The following ADAM29 variants were observed in gnomAD, a reference collection of about 807,000 sequenced individuals.
ADAM29 encodes ADAM metallopeptidase domain 29.
For synonymous variants in ADAM29, 367 were observed against 342.3 expected (o/e 1.07, Z -0.80); for missense variants, 969 against 1,001.8 (o/e 0.97, Z 0.44).
At chr4:174,942,521 G>A (rs1262248505) in intron 4 of ADAM29, among the ~76,000 whole-genome samples, 1 of 152,162 alleles carries the variant, frequency 6.6e-6, no homozygotes, top group Non-Finnish European at 1.5e-5. Flanking sequence ...CCCCTCTGAA[G>A]CAATGGTCAG....
chr4:174,948,575 C>A (rs1037478180), intron 4 of ADAM29, among the ~76,000 whole-genome samples: 2 of 152,162 alleles, frequency 1.3e-5, no homozygotes, highest in African/African-American at 4.8e-5. Flanking sequence ...AGCCACAACA[C>A]TCCAATTTCC....
intron 4 of ADAM29, among the ~76,000 whole-genome samples, chr4:174,941,826 A>C (rs1744556943): frequency 1.3e-5 from 2 of 152,252 alleles, no homozygotes; most frequent in Non-Finnish European, 1.5e-5. Context: ...GTAACTCAAA[A>C]GTCCAAGTTC....
At chr4:174,963,677 T>C (rs1054312748) in intron 4 of ADAM29, among the ~76,000 whole-genome samples, 1 of 137,432 alleles carries the variant, frequency 7.3e-6, no homozygotes, top group Non-Finnish European at 1.6e-5. Flanking sequence ...GGACAAATAG[T>C]AAAGGTTTTT....
At chr4:174,938,899 T>G (rs1416605906) in intron 4 of ADAM29, among the ~76,000 whole-genome samples, 1 of 152,100 alleles carries the variant, frequency 6.6e-6, no homozygotes, top group East Asian at 1.9e-4. Flanking sequence ...CTTTGAGTTT[T>G]TGGTGGCTCA....
intron 4 of ADAM29, among the ~76,000 whole-genome samples, chr4:174,972,930 C>A (rs1316627923): frequency 6.6e-6 from 1 of 152,138 alleles, no homozygotes; most frequent in Non-Finnish European, 1.5e-5. Context: ...AGCTCAAGCC[C>A]CATCTCCATT....
chr4:174,949,662 C>A (rs945128428), intron 4 of ADAM29, among the ~76,000 whole-genome samples: 1 of 151,920 alleles, frequency 6.6e-6, no homozygotes. Context: ...GGATGCCAGT[C>A]TGCCCCGTAT....
Position 174,977,530 on chromosome 4 carries a change from AAGAG to A in ADAM29, c.2007_2010del (p.Lys671ArgfsTer33). 1.2e-6 allele frequency: 2 copies of A among 1,614,138 alleles called. No homozygotes were observed. The highest frequency in any genetic ancestry group is 1.1e-5 in the South Asian group (1 of 91,080). ...TAGTGTTGACAGTGGCCCACCCCCT[AAGAG>A]AAAGAAGAAAAAGAAGTTCTGTTAT... On this transcript the variant is annotated frameshift_variant, in exon 5 of 5. Transcript: ENST00000359240. LOFTEE classifies it low-confidence loss of function (END_TRUNC).
rs906419496 is a variant in ADAM29 at position 174,948,435 on chromosome 4, C to T, written c.-181+11422C>T. 5.3e-5 allele frequency among the ~76,000 whole-genome samples: 8 copies of T among 152,284 alleles called. No homozygotes were observed. In the East Asian group the frequency reaches 1.5e-3, roughly 30 times the overall value. On this transcript the variant is annotated intron_variant, in intron 4 of 4. Coordinates refer to ENST00000359240, the MANE Select transcript of ADAM29 (RefSeq NM_014269.4). Reference sequence around the variant, plus strand: ...TCCGGAGGATTTTAGGAGTCCAAAGCTCAGCTCGGCACTCCTGGGATGAGT... The same window carrying T: ...TCCGGAGGATTTTAGGAGTCCAAAGTTCAGCTCGGCACTCCTGGGATGAGT...
rs1745556262 is a variant in ADAM29 at position 174,957,173 on chromosome 4, C to A, written c.-180-18173C>A. Among the ~76,000 whole-genome samples the A allele has an allele frequency of 2.0e-5, 3 of 151,858 alleles. No homozygotes were observed. In the South Asian group the frequency reaches 6.2e-4, roughly 31 times the overall value. ...TGGACCCTCTCAACATCTGGACAAA[C>A]AGTTCAATGAAAGAACTTTCCTCAG... is the stretch of plus-strand genomic sequence containing the variant. On this transcript the variant is annotated intron_variant, in intron 4 of 4. Transcript: ENST00000359240.
At chr4:174,963,097 A>T (rs560501670) in intron 4 of ADAM29, among the ~76,000 whole-genome samples, 1 of 152,322 alleles carries the variant, frequency 6.6e-6, no homozygotes, top group East Asian at 1.9e-4. Context: ...AATCTAATCA[A>T]AATTCTAAGA....
chr4:174,950,902 C>T (rs558338019), intron 4 of ADAM29, among the ~76,000 whole-genome samples: 4 of 152,186 alleles, frequency 2.6e-5, no homozygotes, highest in South Asian at 2.1e-4. Context: ...CTCTTTGTCT[C>T]TCTCTCCTGC....
At chr4:174,965,556 T>C (rs1384502988) in intron 4 of ADAM29, among the ~76,000 whole-genome samples, 2 of 152,082 alleles carry the variant, frequency 1.3e-5, no homozygotes, top group East Asian at 1.9e-4. Context: ...TATGTACTTA[T>C]ATATGATTAT....
chr4:174,925,143 A>G (rs1051191765), intron 2 of ADAM29, among the ~76,000 whole-genome samples: 25 of 152,364 alleles, frequency 1.6e-4, no homozygotes, highest in African/African-American at 5.8e-4. Flanking sequence ...TAGCCAAAGA[A>G]GCTGAAAAAG....
chr4:174,918,404 A>G lies in ADAM29; in HGVS notation c.-624A>G, dbSNP rs4254747. On this transcript the variant is annotated 5_prime_UTR_variant, in exon 1 of 5. Coordinates refer to ENST00000359240, the MANE Select transcript of ADAM29 (RefSeq NM_014269.4). ...AAATGGGGTGGTGTGAGTATCTCCT[A>G]TAAAATAAAAGCTCTCCTGATGGCC... is the stretch of plus-strand genomic sequence containing the variant. 100,436 of 152,012 alleles carry G rather than the reference A, an allele frequency of 0.66. 34,118 individuals carry two copies. The highest frequency in any genetic ancestry group is 0.94 in the East Asian group (4,835 of 5,154). 9.4% of individuals were successfully genotyped at this position (152,012 alleles called of 1,614,324 possible).
intron 3 of ADAM29, among the ~76,000 whole-genome samples, chr4:174,935,473 A>G (rs1744150462): frequency 6.6e-6 from 1 of 152,138 alleles, no homozygotes; most frequent in Non-Finnish European, 1.5e-5. Flanking sequence ...ATTTTAAAGT[A>G]AACCTACTAC....
At position 174,977,081 on chromosome 4, in the gene ADAM29, C is replaced by A. The variant is rs1156510077; in HGVS notation, c.1556C>A (p.Thr519Asn). 1 of 1,614,018 alleles carries A rather than the reference C, an allele frequency of 6.2e-7. No individual in the cohort carries two copies. The highest frequency in any genetic ancestry group is 2.2e-5 in the East Asian group (1 of 44,884). Reference protein sequence around the residue: ...FGAGANTASETCYKELNTLGD... With the variant: ...FGAGANTASENCYKELNTLGD... ...GCAGGCGCAAATACTGCAAGTGAGA[C>A]TTGCTACAAAGAATTGAACACCTTA... The change falls in exon 5 of 5, where the codon ACT becomes AAT. Residue 519 changes from threonine to asparagine, a missense_variant. Physicochemically the swap from Thr to Asn is moderately conservative, Grantham distance 65. Transcript: ENST00000359240.
Position 174,978,089 on chromosome 4 carries a change from C to A in ADAM29, c.*101C>A, listed in dbSNP as rs1208239940. 74 of 1,539,084 alleles carry A rather than the reference C, an allele frequency of 4.8e-5. 1 individual carries two copies. Among genetic ancestry groups the A allele is most frequent in the South Asian group, 4.9e-5 (4 of 80,888 alleles). On this transcript the variant is annotated 3_prime_UTR_variant, in exon 5 of 5. Transcript: ENST00000359240. ...TCCCAGAGTCAACCTCATGTGACAC[C>A]TTACCGGAGTAAAAGTGGTAAACAA... is the stretch of plus-strand genomic sequence containing the variant.
Position 174,977,198 on chromosome 4 carries a change from A to G in ADAM29, c.1673A>G (p.Asn558Ser). Residue 558 changes from asparagine (N) to serine (S), a missense_variant, in exon 5 of 5, where the codon AAT (asparagine) becomes AGT (serine). By Grantham distance (46) the Asn-to-Ser change is conservative (BLOSUM62 1). Transcript: ENST00000359240. ...CAGTGTGGAAGAATTCAGTGTGAGA[A>G]TGTGACAGAAATTCCCAATATGAGT... ...DVQCGRIQCE[N>S]VTEIPNMSDH... The G allele has an allele frequency of 6.2e-7, 1 of 1,614,090 alleles. No homozygotes were observed. Among genetic ancestry groups the G allele is most frequent in the Non-Finnish European group, 8.5e-7 (1 of 1,180,030 alleles).
chr4:174,942,397 G>A, intron 4 of ADAM29, among the ~76,000 whole-genome samples: 1 of 152,288 alleles, frequency 6.6e-6, no homozygotes, highest in South Asian at 2.1e-4. Flanking sequence ...TGGACATCGG[G>A]ACATTTCCAT....
Sources: gnomAD v4.1 joint callset for allele counts (sites outside exome capture counted in the v4.1 genomes callset) on GRCh38, gnomAD v4.1.1 for gene constraint, MANE v1.5 for transcripts, NCBI Gene and HGNC (gene_info 2026-07-23, HGNC 2026-07-21) for gene names.